Variants in DPYD observed in about 807,000 individuals in gnomAD.
The protein encoded by DPYD is dihydropyrimidine dehydrogenase [NADP(+)].
DPYD carries 109 observed loss-of-function variants against 116.2 expected under a neutral mutation model. The observed-to-expected ratio is 0.94, with a 90% CI of 0.80 to 1.10. DPYD has a LOEUF of 1.10. Among genes scored for constraint, DPYD ranks in the 50% least tolerant of loss-of-function variants. The probability of loss-of-function intolerance (pLI) is 0.00; values close to 1 mark genes in which losing one functional copy is unlikely to be tolerated. For missense variants in DPYD, 1,302 were observed against 1,254.5 expected (o/e 1.04, Z -0.57); for synonymous variants, 440 against 432.0 (o/e 1.02, Z -0.23).
At chr1:97,657,629 C>T (rs536039878) in intron 8 of DPYD, among the ~76,000 whole-genome samples, 108 of 152,200 alleles carry the variant, frequency 7.1e-4, no homozygotes, top group Middle Eastern at 3.4e-3. Context: ...AACAACCATC[C>T]ATCTTCTTGT....
intron 20 of DPYD, among the ~76,000 whole-genome samples, chr1:97,124,865 A>G (rs1372466373): frequency 6.6e-6 from 1 of 152,098 alleles, no homozygotes; most frequent in East Asian, 1.9e-4. Context: ...CTGCTAACCA[A>G]GAGGTTCATA....
intron 15 of DPYD, among the ~76,000 whole-genome samples, chr1:97,375,414 A>T (rs1368456708): frequency 6.6e-6 from 1 of 152,152 alleles, no homozygotes; most frequent in Non-Finnish European, 1.5e-5. Context: ...GCCTATCTTT[A>T]TTCATTAGTG....
Position 97,443,976 on chromosome 1 carries a change from C to T in DPYD, c.1905+6083G>A, listed in dbSNP as rs118068975. Among the ~76,000 whole-genome samples, 80 of 152,242 alleles carry T rather than the reference C, an allele frequency of 5.3e-4. No individual in the cohort carries two copies. In the East Asian group the frequency reaches 0.011, roughly 22 times the overall value. ...TAAATTTGACTCAGTTCCCTGATTC[C>T]GCCATTTTGGAATACAGAATTTCAG... is the stretch of plus-strand genomic sequence containing the variant. On this transcript the variant is annotated intron_variant, in intron 14 of 22. Transcript: ENST00000370192.
chr1:97,164,715 C>A (rs554222575), intron 20 of DPYD, among the ~76,000 whole-genome samples: 2 of 152,172 alleles, frequency 1.3e-5, no homozygotes, highest in African/African-American at 4.8e-5. Flanking sequence ...GAATAGCTAA[C>A]CATGGACGTG....
intron 8 of DPYD, among the ~76,000 whole-genome samples, chr1:97,596,862 G>T (rs915849953): frequency 2.0e-5 from 3 of 152,170 alleles, no homozygotes; most frequent in Non-Finnish European, 2.9e-5. Flanking sequence ...GATTTTAAAA[G>T]AACTTTTGCT....
intron 11 of DPYD, among the ~76,000 whole-genome samples, chr1:97,557,878 G>T (rs1398433615): frequency 6.6e-6 from 1 of 152,272 alleles, no homozygotes; most frequent in South Asian, 2.1e-4. Context: ...TATCTTATTA[G>T]ATCACAAAAG....
intron 16 of DPYD, among the ~76,000 whole-genome samples, chr1:97,336,019 T>G (rs1307086832): frequency 1.3e-5 from 2 of 152,198 alleles, no homozygotes; most frequent in Non-Finnish European, 2.9e-5. Context: ...TGGTTTCATA[T>G]TTTAGTCATG....
chr1:97,812,477 T>C (rs1434625696), intron 3 of DPYD, among the ~76,000 whole-genome samples: 1 of 152,132 alleles, frequency 6.6e-6, no homozygotes, highest in Non-Finnish European at 1.5e-5. Context: ...TATGTATGTC[T>C]TCAAACACTA....
chr1:97,485,913 T>A (rs899680447), intron 13 of DPYD, among the ~76,000 whole-genome samples: 1 of 152,238 alleles, frequency 6.6e-6, no homozygotes. Context: ...GCATATATAC[T>A]GTAGTTTTAA....
intron 20 of DPYD, among the ~76,000 whole-genome samples, chr1:97,157,560 A>G (rs1655562545): frequency 6.6e-6 from 1 of 152,186 alleles, no homozygotes; most frequent in Admixed American, 6.5e-5. Flanking sequence ...CCAAGACAAC[A>G]AAGTCCTTCT....
At chr1:97,904,307 T>G (rs1171974954) in intron 1 of DPYD, among the ~76,000 whole-genome samples, 1 of 152,016 alleles carries the variant, frequency 6.6e-6, no homozygotes, top group Non-Finnish European at 1.5e-5. Context: ...ATCCACTGGG[T>G]GGCAAGGTAA....
At chr1:97,431,772 C>G (rs1471215562) in intron 14 of DPYD, among the ~76,000 whole-genome samples, 5 of 151,932 alleles carry the variant, frequency 3.3e-5, no homozygotes, top group Non-Finnish European at 7.4e-5. Context: ...TATATTAGCC[C>G]TATTATATTA....
chr1:97,329,422 C>A (rs1668867582), intron 16 of DPYD, among the ~76,000 whole-genome samples: 1 of 151,870 alleles, frequency 6.6e-6, no homozygotes, highest in African/African-American at 2.4e-5. Flanking sequence ...GTTTGATGAG[C>A]ACTCTGTGGC....
intron 10 of DPYD, among the ~76,000 whole-genome samples, chr1:97,586,469 T>TAC (rs1557818728): frequency 2.0e-4 from 1 of 4,980 alleles, no homozygotes; most frequent in Non-Finnish European, 3.7e-4. Context: ...TACATACATA[T>TAC]ATATATATAT....
At chr1:97,732,560 T>C (rs1663688473) in intron 4 of DPYD, among the ~76,000 whole-genome samples, 1 of 152,018 alleles carries the variant, frequency 6.6e-6, no homozygotes, top group African/African-American at 2.4e-5. Context: ...ATATAAGCAT[T>C]AATGACTCAA....
chr1:97,410,337 T>G (rs927857236), intron 14 of DPYD, among the ~76,000 whole-genome samples: 1 of 152,182 alleles, frequency 6.6e-6, no homozygotes, highest in African/African-American at 2.4e-5. Context: ...TCTTTTTGCA[T>G]CAGCTACCCG....
intron 8 of DPYD, among the ~76,000 whole-genome samples, chr1:97,661,601 A>G (rs1360466478): frequency 6.6e-6 from 1 of 152,184 alleles, no homozygotes; most frequent in Non-Finnish European, 1.5e-5. Context: ...GAAATCCAGG[A>G]ACAAAGCTCT....
At chr1:97,672,710 A>G (rs1659934736) in intron 8 of DPYD, among the ~76,000 whole-genome samples, 1 of 152,316 alleles carries the variant, frequency 6.6e-6, no homozygotes, top group South Asian at 2.1e-4. Context: ...ACAACTATGT[A>G]CAATTTAAAA....
chr1:97,920,133 G>A (rs1330948615), intron 1 of DPYD, among the ~76,000 whole-genome samples: 1 of 152,188 alleles, frequency 6.6e-6, no homozygotes. Flanking sequence ...TAAAATCACT[G>A]TTGATAATTA....
Sources: allele counts gnomAD v4.1 joint callset (sites outside exome capture counted in the v4.1 genomes callset), GRCh38; gene constraint gnomAD v4.1.1; transcripts MANE v1.5; gene names NCBI Gene and HGNC (gene_info 2026-07-23, HGNC 2026-07-21).